MAP6: variants seen among roughly 807,000 people sequenced by gnomAD.
MAP6 encodes the protein microtubule associated protein 6, also known as microtubule-associated protein 6.
Under a neutral mutation model 42.4 loss-of-function variants are expected in MAP6, and 26 were observed. The ratio of observed to expected loss-of-function variants is 0.61; its 90% CI spans 0.45 to 0.85. The LOEUF (loss-of-function observed/expected upper bound fraction) is 0.85. Among genes scored for constraint, MAP6 ranks in the 40% least tolerant of loss-of-function variants. The pLI, the probability that MAP6 is intolerant of heterozygous loss-of-function variation, is 0.00. For missense variants in MAP6, 966 were observed against 1,099.0 expected, an observed-to-expected ratio of 0.88 and a Z score of 1.71; for synonymous variants, 418 against 443.8, an observed-to-expected ratio of 0.94 and a Z score of 0.73.
At chr11:75,643,263 T>G (rs1207057168) in intron 1 of MAP6, among the ~76,000 whole-genome samples, 1 of 151,858 alleles carries the variant, frequency 6.6e-6, no homozygotes, top group Non-Finnish European at 1.5e-5. Context: ...CTTGCAGAGC[T>G]GGTTATTCAC....
At chr11:75,633,904 G>A (rs760713992) in intron 1 of MAP6, among the ~76,000 whole-genome samples, 7 of 152,140 alleles carry the variant, frequency 4.6e-5, no homozygotes, top group South Asian at 2.1e-4. Flanking sequence ...GATGGGGAGC[G>A]GCTGGAGGAT....
At chr11:75,617,207 T>C (rs916022723) in intron 1 of MAP6, among the ~76,000 whole-genome samples, 2 of 152,090 alleles carry the variant, frequency 1.3e-5, no homozygotes, top group Non-Finnish European at 2.9e-5. Flanking sequence ...TGAGGATGGA[T>C]AGTTAAAAAT....
chr11:75,623,772 C>A (rs537683639), intron 1 of MAP6, among the ~76,000 whole-genome samples: 1 of 152,306 alleles, frequency 6.6e-6, no homozygotes, highest in Non-Finnish European at 1.5e-5. Context: ...TGCAGTGGCG[C>A]TATCTCGGCT....
At chr11:75,606,844 T>C (rs533359272) in intron 2 of MAP6, among the ~76,000 whole-genome samples, 70 of 152,344 alleles carry the variant, frequency 4.6e-4, no homozygotes, top group African/African-American at 1.7e-3. Flanking sequence ...CTGGAGAAGA[T>C]GGCCTTGCCT....
intron 3 of MAP6, chr11:75,604,114 TCCTC>T: frequency 2.1e-5 from 21 of 985,898 alleles, no homozygotes; most frequent in Non-Finnish European, 2.4e-5. Context: ...TACTTCTCCT[TCCTC>T]ACAGTTTTAA....
At chr11:75,629,119 T>C (rs543181828) in intron 1 of MAP6, among the ~76,000 whole-genome samples, 37 of 152,310 alleles carry the variant, frequency 2.4e-4, no homozygotes, top group African/African-American at 8.9e-4. Context: ...GACAAAGTCT[T>C]GCTCTTTACT....
chr11:75,601,717 C>T (rs371514916), intron 3 of MAP6, among the ~76,000 whole-genome samples: 6 of 151,896 alleles, frequency 4.0e-5, no homozygotes, highest in East Asian at 3.9e-4. Context: ...CGCCCACTCA[C>T]GTGCACCAGG....
intron 1 of MAP6, among the ~76,000 whole-genome samples, chr11:75,629,417 T>G (rs1943249742): frequency 6.6e-6 from 1 of 152,014 alleles, no homozygotes; most frequent in African/African-American, 2.4e-5. Flanking sequence ...GTGTCTCTGC[T>G]TGGGACTTCT....
intron 1 of MAP6, among the ~76,000 whole-genome samples, chr11:75,629,460 C>T (rs1183721623): frequency 6.6e-6 from 1 of 152,038 alleles, no homozygotes; most frequent in Non-Finnish European, 1.5e-5. Flanking sequence ...AAGTGGTGCT[C>T]AGGGTGGGAG....
At chr11:75,638,451 A>G (rs1412095986) in intron 1 of MAP6, 1 of 152,246 alleles carries the variant, frequency 6.6e-6, no homozygotes, top group Non-Finnish European at 1.5e-5. Context: ...TTGGAGTAAC[A>G]GGAATAATGA....
At chr11:75,642,951 T>TTTTTTTTACATGAATTA (rs2135662274) in intron 1 of MAP6, 1 of 449,020 alleles carries the variant, frequency 2.2e-6, no homozygotes, top group Admixed American at 2.0e-5. Context: ...AAAATTCATG[T>TTTTTTTTACATGAATTA]CAGAATACAC....
At chr11:75,605,311 T>C (rs1208533198) in intron 3 of MAP6, 4 of 985,888 alleles carry the variant, frequency 4.1e-6, no homozygotes, top group Non-Finnish European at 4.8e-6. Context: ...GTTATTTTTG[T>C]TTAATATTTC....
chr11:75,605,091 G>A, intron 3 of MAP6: 1 of 985,412 alleles, frequency 1.0e-6, no homozygotes. Flanking sequence ...TATGACAGCT[G>A]GAATGTACCT....
At chr11:75,623,207 A>G (rs1263112966) in intron 1 of MAP6, among the ~76,000 whole-genome samples, 1 of 152,230 alleles carries the variant, frequency 6.6e-6, no homozygotes, top group Admixed American at 6.5e-5. Context: ...AAAGCATGCT[A>G]AATGAAAGAA....
Position 75,616,896 on chromosome 11 carries a change from A to T in MAP6, c.906-8574T>A, listed in dbSNP as rs1943003505. 3.3e-5 allele frequency among the ~76,000 whole-genome samples: 5 copies of T among 152,244 alleles called. No individual in the cohort carries two copies. In the South Asian group the frequency reaches 1.0e-3, roughly 32 times the overall value. Reference sequence around the variant, plus strand: ...CCACGGATGATGATTTTATAAAATGAGGAAAGCACATACTTGGACGAAAAA... The same window carrying T: ...CCACGGATGATGATTTTATAAAATGTGGAAAGCACATACTTGGACGAAAAA... On this transcript the variant is annotated intron_variant, in intron 1 of 3. Coordinates refer to ENST00000304771, the MANE Select transcript of MAP6 (RefSeq NM_033063.2).
intron 1 of MAP6, among the ~76,000 whole-genome samples, chr11:75,612,765 T>G (rs1214912344): frequency 6.6e-6 from 1 of 152,204 alleles, no homozygotes; most frequent in Admixed American, 6.5e-5. Flanking sequence ...CTCCTATCAG[T>G]CTGCCCCAAT....
rs912411440 is a variant in MAP6 at position 75,587,195 on chromosome 11, T to C, written c.2306A>G (p.Lys769Arg). The C allele has an allele frequency of 4.3e-6, 7 of 1,614,010 alleles. No individual in the cohort carries two copies. The highest frequency in any genetic ancestry group is 5.9e-6 in the Non-Finnish European group (7 of 1,180,032). ...DQDPLVPVPAKDQGPAVPEPL... is the reference protein window; with the variant it reads ...DQDPLVPVPARDQGPAVPEPL... ...TTCAGGGACTGCAGGACCTTGGTCC[T>C]TTGCTGGTACTGGCACCAGAGGATC... The change falls in exon 4 of 4, where the codon AAG becomes AGG. Residue 769 changes from lysine to arginine, a missense_variant. By Grantham distance (26) the Lys-to-Arg change is conservative. Around this residue, in one of 2 missense-constraint regions of MAP6, gnomAD observed 943 missense variants for 1,049.9 expected, o/e 0.90. Coordinates refer to ENST00000304771, the MANE Select transcript of MAP6 (RefSeq NM_033063.2).
chr11:75,608,183 T>C lies in MAP6; in HGVS notation c.1045A>G (p.Thr349Ala), dbSNP rs1942817426. The change falls in exon 2 of 4, where the codon ACA (threonine) becomes GCA (alanine). Residue 349 changes from threonine to alanine, a missense_variant. Coordinates refer to ENST00000304771, the MANE Select transcript of MAP6 (RefSeq NM_033063.2). ...CGATCAATGACCTTATTGTCAGCTG[T>C]TGTTGGCTTGCTGGCCTCTCCTTTG... ...QFKGEASKPT[T>A]ADNKVIDRRR... The C allele has an allele frequency of 6.2e-7, 1 of 1,614,098 alleles. No homozygotes were observed. The highest frequency in any genetic ancestry group is 1.3e-5 in the African/African-American group (1 of 74,926).
intron 1 of MAP6, among the ~76,000 whole-genome samples, chr11:75,649,661 C>T (rs910115705): frequency 2.6e-5 from 4 of 152,044 alleles, no homozygotes; most frequent in African/African-American, 9.7e-5. Context: ...GCCTCAGCCT[C>T]CCAAGTAGCT....
Sources: gnomAD v4.1 joint callset for allele counts (sites outside exome capture counted in the v4.1 genomes callset) on GRCh38, gnomAD v4.1.1 for gene constraint, gnomAD v4.1.1 regional missense constraint, MANE v1.5 for transcripts, NCBI Gene and HGNC (gene_info 2026-07-23, HGNC 2026-07-21) for gene names.